The following IQCK variants were observed in gnomAD, a reference collection of about 807,000 sequenced individuals.
IQCK encodes IQ motif containing K.
A neutral mutation model predicts 28.1 loss-of-function variants in IQCK; 29 were observed. The ratio of observed to expected loss-of-function variants is 1.03; its 90% CI spans 0.77 to 1.41. The LOEUF (loss-of-function observed/expected upper bound fraction) is 1.41. Among genes scored for constraint, IQCK ranks in the 40% most tolerant of loss-of-function variants. IQCK has a pLI of 0.00. For missense variants in IQCK, 359 were observed against 314.7 expected, an observed-to-expected ratio of 1.14 and a Z score of -1.07; for synonymous variants, 113 against 115.1, an observed-to-expected ratio of 0.98 and a Z score of 0.12.
intron 1 of IQCK, among the ~76,000 whole-genome samples, chr16:19,723,296 A>G (rs889475251): frequency 2.6e-5 from 4 of 152,188 alleles, no homozygotes; most frequent in African/African-American, 9.7e-5. Flanking sequence ...AATGATTTTC[A>G]TAGCTTACAG....
At chr16:19,841,080 A>G (rs2056358083) in intron 9 of IQCK, among the ~76,000 whole-genome samples, 1 of 152,128 alleles carries the variant, frequency 6.6e-6, no homozygotes, top group Non-Finnish European at 1.5e-5. Flanking sequence ...TTCATATTCA[A>G]CTCTCATTAT....
chr16:19,825,743 TA>T lies in IQCK; in HGVS notation c.691-1278del, dbSNP rs2056140559. On this transcript the variant is annotated intron_variant, in intron 7 of 7. Transcript: ENST00000564186. This position sits in a 1 kb window ranked among gnomAD's most constrained non-coding sequence, Gnocchi z 4.2. Reference sequence around the variant, plus strand: ...AATGCTCAATAAATATGAGCTATAATAAAAATAAAAATAATTATTGTTGAAA... The same window carrying T: ...AATGCTCAATAAATATGAGCTATAATAAAATAAAAATAATTATTGTTGAAA... Among the ~76,000 whole-genome samples, 1 of 152,174 alleles carries T rather than the reference TA, an allele frequency of 6.6e-6. No homozygotes were observed.
intron 7 of IQCK, among the ~76,000 whole-genome samples, chr16:19,822,084 CAAAAAAAA>C (rs1234011581): frequency 3.1e-5 from 3 of 97,608 alleles, no homozygotes; most frequent in African/African-American, 1.2e-4. Flanking sequence ...AAAAAAAAAA[CAAAAAAAA>C]AAACAAAAAA....
At chr16:19,759,066 T>C (rs1397122725) in intron 4 of IQCK, among the ~76,000 whole-genome samples, 1 of 152,166 alleles carries the variant, frequency 6.6e-6, no homozygotes, top group Non-Finnish European at 1.5e-5. Context: ...TATTAGCAAT[T>C]CCTACTTGTA....
intron 6 of IQCK, among the ~76,000 whole-genome samples, chr16:19,765,618 T>C (rs546067715): frequency 1.3e-5 from 2 of 152,298 alleles, no homozygotes; most frequent in South Asian, 4.2e-4. Context: ...CCAAGATGAA[T>C]AGACCCTTGG....
intron 7 of IQCK, among the ~76,000 whole-genome samples, chr16:19,813,914 A>T (rs2055940769): frequency 6.6e-6 from 1 of 152,132 alleles, no homozygotes; most frequent in South Asian, 2.1e-4. Flanking sequence ...ACATTATAAC[A>T]ACACATTAAA....
chr16:19,810,301 C>T (rs1431627842), intron 7 of IQCK, among the ~76,000 whole-genome samples: 1 of 150,666 alleles, frequency 6.6e-6, no homozygotes, highest in Non-Finnish European at 1.5e-5. Context: ...TTGAGACCAT[C>T]CTGGCTAACA....
At chr16:19,779,065 C>T (rs140559293) in intron 6 of IQCK, among the ~76,000 whole-genome samples, 173 of 152,188 alleles carry the variant, frequency 1.1e-3, no homozygotes, top group Non-Finnish European at 2.2e-3. Flanking sequence ...TCACTGCAGC[C>T]TCGAACTCCT....
At chr16:19,722,808 C>A (rs1254397637) in intron 1 of IQCK, among the ~76,000 whole-genome samples, 2 of 152,036 alleles carry the variant, frequency 1.3e-5, no homozygotes, top group Admixed American at 6.6e-5. Flanking sequence ...CTTCCACCTC[C>A]CAGGTTCAAG....
chr16:19,730,377 C>A, intron 1 of IQCK, 53 bp from the exon 2 acceptor site: 2 of 1,347,120 alleles, frequency 1.5e-6, no homozygotes, highest in Non-Finnish European at 2.1e-6. Flanking sequence ...GGAAATTACA[C>A]CAGAAACTCT....
At chr16:19,855,817 A>G (rs1319796129) in intron 9 of IQCK, among the ~76,000 whole-genome samples, 1 of 152,188 alleles carries the variant, frequency 6.6e-6, no homozygotes. Flanking sequence ...CATATGGGCA[A>G]GCAGCACTTG....
intron 4 of IQCK, among the ~76,000 whole-genome samples, chr16:19,758,537 G>T (rs1254530942): frequency 6.6e-6 from 1 of 152,214 alleles, no homozygotes; most frequent in Admixed American, 6.5e-5. Context: ...TGCATCTTTT[G>T]TAGGGCGGGA....
At chr16:19,815,995 G>C (rs1440322876) in intron 7 of IQCK, among the ~76,000 whole-genome samples, 1 of 152,126 alleles carries the variant, frequency 6.6e-6, no homozygotes, top group East Asian at 1.9e-4. Context: ...CTCACACCAA[G>C]TCGGTGGTTC....
At chr16:19,741,618 G>A (rs1185581714) in intron 4 of IQCK, among the ~76,000 whole-genome samples, 1 of 152,176 alleles carries the variant, frequency 6.6e-6, no homozygotes, top group African/African-American at 2.4e-5. Context: ...ATGCTCCAGG[G>A]TGCTTGAACA....
At chr16:19,837,762 G>A (rs903813030) in intron 9 of IQCK, among the ~76,000 whole-genome samples, 1 of 152,236 alleles carries the variant, frequency 6.6e-6, no homozygotes, top group Admixed American at 6.5e-5. Context: ...TTTATAAGCT[G>A]TGTCAGGCTA....
chr16:19,730,554 G>A, intron 2 of IQCK, 60 bp downstream of exon 2: 1 of 1,321,828 alleles, frequency 7.6e-7, no homozygotes, highest in Non-Finnish European at 1.1e-6. Flanking sequence ...TAGCATTGAT[G>A]GCCTGTGAAT....
At chr16:19,744,294 T>G (rs1385970698) in intron 4 of IQCK, among the ~76,000 whole-genome samples, 1 of 152,202 alleles carries the variant, frequency 6.6e-6, no homozygotes, top group East Asian at 1.9e-4. Context: ...ATTTTAAAAA[T>G]TATTTTCATT....
chr16:19,829,810 T>G (rs1398820820), downstream of IQCK, among the ~76,000 whole-genome samples: 1 of 152,190 alleles, frequency 6.6e-6, no homozygotes, highest in Non-Finnish European at 1.5e-5. Context: ...TTTTTGCCAT[T>G]AAAAATAATG....
chr16:19,844,613 C>T (rs1296390344), intron 9 of IQCK, among the ~76,000 whole-genome samples: 1 of 152,166 alleles, frequency 6.6e-6, no homozygotes, highest in African/African-American at 2.4e-5. Flanking sequence ...AAATGTATTT[C>T]TCATCGTAGT....
Sources: gnomAD v4.1 joint callset for allele counts (sites outside exome capture counted in the v4.1 genomes callset) on GRCh38, gnomAD v4.1.1 for gene constraint, Gnocchi (gnomAD v3.1) non-coding constraint, MANE v1.5 for transcripts, NCBI Gene and HGNC (gene_info 2026-07-23, HGNC 2026-07-21) for gene names.